The following FBXO41 variants were observed in gnomAD, a reference collection of about 807,000 sequenced individuals.
FBXO41 encodes the protein F-box only protein 41.
A neutral mutation model predicts 81.6 loss-of-function variants in FBXO41; 33 were observed. The observed-to-expected ratio is 0.40, with a 90% confidence interval of 0.31 to 0.54. FBXO41 has a LOEUF of 0.54. Ranked by LOEUF, FBXO41 falls within the 20% of genes least tolerant of loss-of-function variation. The pLI is 0.39. For synonymous variants in FBXO41, 576 were observed against 552.7 expected (o/e 1.04, Z -0.59); for missense variants, 1,107 against 1,236.0 (o/e 0.90, Z 1.56).
chr2:73,265,775 C>A, intron 4 of FBXO41, 118 bp downstream of exon 4: 1 of 1,433,676 alleles, frequency 7.0e-7, no homozygotes, highest in Non-Finnish European at 9.4e-7. Flanking sequence ...TGTGGAAAGG[C>A]AGACATACGT....
At chr2:73,263,892 G>T in intron 7 of FBXO41, 46 bp downstream of exon 7, 1 of 1,613,864 alleles carries the variant, frequency 6.2e-7, no homozygotes, top group Non-Finnish European at 8.5e-7. Flanking sequence ...TTAATTCCAG[G>T]TCTGTGGCCC....
chr2:73,256,301 G>A lies in FBXO41; in HGVS notation c.*2681C>T, dbSNP rs181798707. On this transcript the variant is annotated 3_prime_UTR_variant, in exon 13 of 13. Transcript: ENST00000520530. The stretch of plus-strand genomic sequence containing the variant: ...CCCTCTGTCCCTGTTCCCATCCTCA[G>A]CCCTAGCTGTATGGTCACCAAAAAA... The A allele has an allele frequency of 1.7e-4, 26 of 152,342 alleles. No homozygotes were observed. Among genetic ancestry groups the A allele is most frequent in the Admixed American group, 1.6e-3 (24 of 15,276 alleles). The allele number at this position is 152,342 out of a possible 1,614,324, so 9.4% of individuals were successfully genotyped here.
intron 1 of FBXO41, chr2:73,270,694 C>A: frequency 2.2e-6 from 1 of 447,176 alleles, no homozygotes; most frequent in South Asian, 1.7e-5. Flanking sequence ...CCTTTTGGCA[C>A]AAGGTCCCTC....
intron 1 of FBXO41, among the ~76,000 whole-genome samples, chr2:73,280,047 C>T (rs1481385472): frequency 2.0e-5 from 3 of 152,064 alleles, no homozygotes; most frequent in Non-Finnish European, 4.4e-5. Context: ...TTCAAACATT[C>T]TTTCTCATGG....
chr2:73,266,734 A>C lies in FBXO41; in HGVS notation c.906-52T>G. The C allele has an allele frequency of 6.7e-7, 1 of 1,485,274 alleles. No individual in the cohort carries two copies. Among genetic ancestry groups the C allele is most frequent in the Non-Finnish European group, 8.9e-7 (1 of 1,119,606 alleles). The allele number at this position is 1,485,274 out of a possible 1,614,324, so 92.0% of individuals were successfully genotyped here. A position where few individuals can be genotyped will look rare whatever the true frequency, so the allele number is the denominator to read the frequency against. On this transcript the variant is annotated intron_variant, in intron 2 of 12. Coordinates refer to ENST00000520530, the MANE Select transcript of FBXO41 (RefSeq NM_001371389.2). This position sits in a 1 kb window ranked among gnomAD's most constrained non-coding sequence, Gnocchi z 5.3. ...AGAGCCTCAGCCTGCCTGCCCACCC[A>C]CCCTCTGGAGGAGAGCCTGGCCAGT... is the stretch of plus-strand genomic sequence containing the variant.
At chr2:73,271,255 T>C (rs1688480871) in intron 1 of FBXO41, 1 of 288,096 alleles carries the variant, frequency 3.5e-6, no homozygotes, top group Admixed American at 4.6e-5. Context: ...CCAGTCCTCC[T>C]CCTGGTAACA....
chr2:73,268,628 G>C, intron 2 of FBXO41, 98 bp downstream of exon 2: 2 of 1,207,502 alleles, frequency 1.7e-6, no homozygotes, highest in African/African-American at 3.1e-5. Context: ...CAAAGCCATG[G>C]CCACATACAG....
At chr2:73,276,596 G>GAGAA (rs1558592635) in intron 1 of FBXO41, among the ~76,000 whole-genome samples, 2 of 112,332 alleles carry the variant, frequency 1.8e-5, no homozygotes, top group Non-Finnish European at 3.7e-5. Flanking sequence ...GAGAGAGAGA[G>GAGAA]AGAGAGAGGG....
intron 1 of FBXO41, among the ~76,000 whole-genome samples, chr2:73,282,595 T>C (rs899053601): frequency 1.3e-5 from 2 of 152,066 alleles, no homozygotes; most frequent in Admixed American, 6.6e-5. Flanking sequence ...CCCAGCTGCT[T>C]GGGAGACTGA....
chr2:73,256,099 G>C lies in FBXO41; in HGVS notation c.*2883C>G, dbSNP rs1687802381. The C allele has an allele frequency of 6.6e-6, 1 of 152,158 alleles. No individual in the cohort carries two copies. Among genetic ancestry groups the C allele is most frequent in the Non-Finnish European group, 1.5e-5 (1 of 68,040 alleles). 9.4% of individuals were successfully genotyped at this position (152,158 alleles called of 1,614,324 possible). ...GTACTGGGGCCAGACTGGATGGCAG[G>C]GGGTGGTAGAAACACCAAGTGGCCA... is the stretch of plus-strand genomic sequence containing the variant. On this transcript the variant is annotated 3_prime_UTR_variant, in exon 13 of 13. Coordinates refer to ENST00000520530, the MANE Select transcript of FBXO41 (RefSeq NM_001371389.2).
intron 1 of FBXO41, among the ~76,000 whole-genome samples, chr2:73,276,250 A>G (rs1688678332): frequency 6.6e-6 from 1 of 151,428 alleles, no homozygotes; most frequent in Non-Finnish European, 1.5e-5. Context: ...TCTCTACTAA[A>G]AATACAAAAA....
chr2:73,264,088 G>A, intron 6 of FBXO41, 35 bp from the exon 7 acceptor site: 2 of 1,563,744 alleles, frequency 1.3e-6, no homozygotes, highest in South Asian at 1.2e-5. Context: ...GGAGATGAAG[G>A]GGTCTGAACT....
In FBXO41 at chr2:73,266,312, C is replaced by A. The variant is rs574483052; in HGVS notation, c.1131+145G>T. 10 of 1,024,744 alleles carry A rather than the reference C, an allele frequency of 9.8e-6. No individual in the cohort carries two copies. In the African/African-American group the frequency reaches 1.5e-4, roughly 15 times the overall value. 63.5% of individuals were successfully genotyped at this position (1,024,744 alleles called of 1,614,324 possible). ...GCACTCCTGCCCAATCAAAGGGGCTCCCCTGTTCCTGGCATCTGCTGGTGG... is the reference window on the plus strand; with the variant it reads ...GCACTCCTGCCCAATCAAAGGGGCTACCCTGTTCCTGGCATCTGCTGGTGG... On this transcript the variant is annotated intron_variant, in intron 3 of 12. Transcript: ENST00000520530. This position sits in a 1 kb window ranked among gnomAD's most constrained non-coding sequence, Gnocchi z 5.3.
intron 1 of FBXO41, among the ~76,000 whole-genome samples, chr2:73,281,125 C>T (rs1688834922): frequency 6.6e-6 from 1 of 152,182 alleles, no homozygotes; most frequent in South Asian, 2.1e-4. Context: ...CCATTTTATC[C>T]ACCCAGCAAA....
In FBXO41 at chr2:73,260,794, G is replaced by T; in HGVS notation, c.2236C>A (p.Arg746=). ...CCGGCACCCCCGACCCCCAGGGCCCGCAGGTGGGGCCAACAGCGACCAATC... is the reference window on the plus strand; with the variant it reads ...CCGGCACCCCCGACCCCCAGGGCCCTCAGGTGGGGCCAACAGCGACCAATC... ...QMIGRCWPHL[R]ALGVGGAGCG... Residue 746 remains arginine (R), a synonymous_variant, in exon 10 of 13, where the codon CGG becomes AGG. Transcript: ENST00000520530. The surrounding 1 kb of genome is among the most constrained non-coding windows in gnomAD (Gnocchi z 5.0). The T allele has an allele frequency of 6.4e-7, 1 of 1,567,258 alleles. No individual in the cohort carries two copies. Among genetic ancestry groups the T allele is most frequent in the Non-Finnish European group, 8.7e-7 (1 of 1,154,812 alleles).
Position 73,269,727 on chromosome 2 carries a change from G to T in FBXO41, c.-97C>A. The T allele has an allele frequency of 1.1e-6, 1 of 915,272 alleles. No individual in the cohort carries two copies. Among genetic ancestry groups the T allele is most frequent in the Non-Finnish European group, 1.4e-6 (1 of 738,844 alleles). 56.7% of individuals were successfully genotyped at this position (915,272 alleles called of 1,614,324 possible). On this transcript the variant is annotated 5_prime_UTR_variant, in exon 2 of 13. Coordinates refer to ENST00000520530, the MANE Select transcript of FBXO41 (RefSeq NM_001371389.2). This position sits in a 1 kb window ranked among gnomAD's most constrained non-coding sequence, Gnocchi z 7.0. Reference sequence around the variant, plus strand: ...GGACCGCGGGCGAGGCCCCCTGCGGGGTCAGGAAGGCTCAGGGCGCCCGCG... The same window carrying T: ...GGACCGCGGGCGAGGCCCCCTGCGGTGTCAGGAAGGCTCAGGGCGCCCGCG...
chr2:73,265,625 C>T lies in FBXO41; in HGVS notation c.1221G>A (p.Val407=). Residue 407 remains valine (V), a synonymous_variant, in exon 5 of 13, where the codon GTG becomes GTA. Coordinates refer to ENST00000520530, the MANE Select transcript of FBXO41 (RefSeq NM_001371389.2). ...SSPSTGASSR[V]PAASQSSGCY... ...AGCCTGAGCTCTGGGATGCGGCTGG[C>T]ACACGGCTGGAGGCCCTGGGGCAGG... 2.0e-6 allele frequency: 3 copies of T among 1,516,100 alleles called. No individual in the cohort carries two copies. The highest frequency in any genetic ancestry group is 2.6e-6 in the Non-Finnish European group (3 of 1,133,070). The allele number at this position is 1,516,100 out of a possible 1,614,324, so 93.9% of individuals were successfully genotyped here. A position where few individuals can be genotyped will look rare whatever the true frequency, so the allele number is the denominator to read the frequency against.
intron 9 of FBXO41, 117 bp downstream of exon 9, chr2:73,263,096 A>C: frequency 1.3e-6 from 1 of 777,662 alleles, no homozygotes; most frequent in Non-Finnish European, 2.0e-6. Flanking sequence ...GGACAGATTA[A>C]TGTGTGTGGA....
intron 1 of FBXO41, among the ~76,000 whole-genome samples, chr2:73,277,484 C>T (rs1260795137): frequency 6.6e-6 from 1 of 152,168 alleles, no homozygotes; most frequent in Non-Finnish European, 1.5e-5. Context: ...AATCAGCAAC[C>T]TCTGCAGCCC....
Sources: allele counts gnomAD v4.1 joint callset (sites outside exome capture counted in the v4.1 genomes callset), GRCh38; gene constraint gnomAD v4.1.1; non-coding constraint Gnocchi (gnomAD v3.1); transcripts MANE v1.5; gene names NCBI Gene and HGNC (gene_info 2026-07-23, HGNC 2026-07-21).